Variants in CD7 observed in about 807,000 individuals in gnomAD.
CD7 encodes T-cell antigen CD7.
Under a neutral mutation model 17.6 loss-of-function variants are expected in CD7, and 19 were observed. The observed-to-expected ratio is 1.08, with a 90% CI of 0.75 to 1.58. CD7 has a LOEUF of 1.58. Ranked by LOEUF, CD7 falls within the 40% of genes most tolerant of loss-of-function variation. The pLI is 0.00. For synonymous variants in CD7, 160 were observed against 159.8 expected (o/e 1.00, Z -0.01); for missense variants, 291 against 327.1 (o/e 0.89, Z 0.85).
At chr17:82,316,614 C>T (rs567995292) in intron 2 of CD7, 53 bp downstream of exon 2, 104 of 1,563,340 alleles carry the variant, frequency 6.7e-5, no homozygotes, top group Non-Finnish European at 8.8e-5. Context: ...GGGAGCAGAG[C>T]CTGGCCAGCA....
intron 1 of CD7, 59 bp from the exon 2 acceptor site, chr17:82,317,040 C>T (rs1176284801): frequency 3.5e-6 from 5 of 1,439,428 alleles, no homozygotes; most frequent in South Asian, 1.3e-5. Context: ...AATGTCCTCC[C>T]TGCAGGGGAC....
In CD7 at chr17:82,316,036, C is replaced by T; in HGVS notation, c.612+159G>A. 6 of 813,536 alleles carry T rather than the reference C, an allele frequency of 7.4e-6. No individual in the cohort carries two copies. The South Asian group carries it at 8.9e-5, about 12-fold the overall frequency. The allele number at this position is 813,536 out of a possible 1,614,324, so 50.4% of individuals were successfully genotyped here. A position where few individuals can be genotyped will look rare whatever the true frequency, so the allele number is the denominator to read the frequency against. ...AGGTCGCTTTGGTGCTGGTCCCCCTCCCTCCCCGCCGAGGCCACTTCCACC... is the reference window on the plus strand; with the variant it reads ...AGGTCGCTTTGGTGCTGGTCCCCCTTCCTCCCCGCCGAGGCCACTTCCACC... On this transcript the variant is annotated intron_variant, in intron 3 of 3. Transcript: ENST00000312648.
chr17:82,315,068 A>T lies in CD7; in HGVS notation c.*253T>A. 2.2e-6 allele frequency: 1 copy of T among 456,064 alleles called. No individual in the cohort carries two copies. Among genetic ancestry groups the T allele is most frequent in the Non-Finnish European group, 4.1e-6 (1 of 243,676 alleles). The allele number at this position is 456,064 out of a possible 1,614,324, so 28.3% of individuals were successfully genotyped here. A position where few individuals can be genotyped will look rare whatever the true frequency, so the allele number is the denominator to read the frequency against. On this transcript the variant is annotated 3_prime_UTR_variant, in exon 4 of 4. Transcript: ENST00000312648. ...CGGGAGATGCAGCCAAAGGACAGTC[A>T]GGCTTCCTCCCGGTGGCGGCGTGGG...
At position 82,316,466 on chromosome 17, in the gene CD7, C is replaced by T. The variant is rs191370642; in HGVS notation, c.398-57G>A. 1.2e-5 allele frequency: 17 copies of T among 1,462,106 alleles called. No individual in the cohort carries two copies. In the East Asian group the frequency reaches 2.5e-4, roughly 21 times the overall value. The allele number at this position is 1,462,106 out of a possible 1,614,324, so 90.6% of individuals were successfully genotyped here. On this transcript the variant is annotated intron_variant, in intron 2 of 3. Coordinates refer to ENST00000312648, the MANE Select transcript of CD7 (RefSeq NM_006137.7). The stretch of plus-strand genomic sequence containing the variant: ...CCGGTGGAGAACCTGTTAGAGCCCC[C>T]GGGGTTTGGGATTCGGGGCAGGGAA...
chr17:82,316,800 G>A lies in CD7; in HGVS notation c.264C>T (p.Ile88=), dbSNP rs200852377. The A allele has an allele frequency of 4.3e-6, 7 of 1,613,944 alleles. No individual in the cohort carries two copies. The South Asian group carries it at 4.4e-5, about 10-fold the overall frequency. The part of the protein sequence containing the change: ...PTTDRRFRGR[I]DFSGSQDNLT... ...GGTTGTCCTGGGACCCTGAGAAGTC[G>A]ATGCGGCCCCGGAACCGTCTGTCCG... is the stretch of plus-strand genomic sequence containing the variant. The change falls in exon 2 of 4, where the codon ATC becomes ATT. Residue 88 remains isoleucine, a synonymous_variant. Coordinates refer to ENST00000312648, the MANE Select transcript of CD7 (RefSeq NM_006137.7).
In CD7 at chr17:82,317,484, A is replaced by T; in HGVS notation, c.12T>A (p.Pro4=). Residue 4 remains proline, a synonymous_variant, in exon 1 of 4, where the codon CCT becomes CCA. Transcript: ENST00000312648. ...GCAGGGGCAGCAGCAGGAGCCTCGG[A>T]GGCCCGGCCATGTTCCCCACACCCA... MAG[P]PRLLLLPLLL... is the part of the protein sequence containing the mutation. 6.4e-7 allele frequency: 1 copy of T among 1,568,166 alleles called. No homozygotes were observed. The highest frequency in any genetic ancestry group is 8.6e-7 in the Non-Finnish European group (1 of 1,157,282).
chr17:82,317,248 G>A, intron 1 of CD7, 166 bp downstream of exon 1: 1 of 739,006 alleles, frequency 1.4e-6, no homozygotes, highest in East Asian at 2.7e-5. Flanking sequence ...TCCCCACCGG[G>A]GTCCACCCTT....
intron 3 of CD7, chr17:82,315,796 A>C: frequency 1.8e-6 from 1 of 567,838 alleles, no homozygotes; most frequent in Non-Finnish European, 3.1e-6. Context: ...ACGCCGGCAC[A>C]CTCCAACATG....
chr17:82,315,563 G>C, intron 3 of CD7, 132 bp from the exon 4 acceptor site: 1 of 685,140 alleles, frequency 1.5e-6, no homozygotes. Context: ...CAGGTCTCCT[G>C]AGCCCCAGGG....
chr17:82,316,530 T>C (rs773758563), intron 2 of CD7, 121 bp from the exon 3 acceptor site: 12 of 1,269,860 alleles, frequency 9.4e-6, no homozygotes, highest in African/African-American at 3.0e-5. Flanking sequence ...TCTAGGAGGC[T>C]GCTGGGGGCA....
intron 1 of CD7, 22 bp from the exon 2 acceptor site, chr17:82,317,003 A>T (rs781043449): frequency 6.4e-7 from 1 of 1,556,730 alleles, no homozygotes; most frequent in Non-Finnish European, 8.7e-7. Flanking sequence ...CTGGGCTGTC[A>T]CCATCAGTCT....
intron 3 of CD7, chr17:82,315,761 C>G: frequency 1.8e-6 from 1 of 555,662 alleles, no homozygotes; most frequent in East Asian, 3.1e-5. Context: ...TCTGAGGCCC[C>G]CTCCCCTTCC....
chr17:82,316,839 C>A lies in CD7; in HGVS notation c.225G>T (p.Gly75=). The change falls in exon 2 of 4, where the codon GGG becomes GGT. Residue 75 remains glycine (G), a synonymous_variant. Transcript: ENST00000312648. ...ACCGTCTGTCCGTAGTGGGCACCAC[C>A]CCGTCCTCGTAGTAAATGATGTCTT... The part of the protein sequence containing the change: ...QPQDIIYYED[G]VVPTTDRRFR... The A allele has an allele frequency of 6.2e-7, 1 of 1,613,956 alleles. No homozygotes were observed. The highest frequency in any genetic ancestry group is 8.5e-7 in the Non-Finnish European group (1 of 1,180,008).
chr17:82,317,031 A>ATTCTC, intron 1 of CD7, 50 bp from the exon 2 acceptor site: 1 of 1,475,606 alleles, frequency 6.8e-7, no homozygotes, highest in Non-Finnish European at 9.1e-7. Context: ...AGGACAGAGA[A>ATTCTC]TGTCCTCCCT....
rs778567996 is a variant in CD7, at chr17:82,316,315, C to A, written c.492G>T (p.Pro164=). Residue 164 remains proline (P), a synonymous_variant, in exon 3 of 4, where the codon CCG becomes CCT. Coordinates refer to ENST00000312648, the MANE Select transcript of CD7 (RefSeq NM_006137.7). ...GGTCAGGGAGGGCAGAGGCTGTCTG[C>A]GGGTCAGGGAGGGCGGAGCCTGTCG... ...APPTGSALPD[P]QTASALPDPP... The A allele has an allele frequency of 4.5e-6, 7 of 1,572,746 alleles. No individual in the cohort carries two copies. In the South Asian group the frequency reaches 5.8e-5, roughly 13 times the overall value.
Position 82,315,393 on chromosome 17 carries a change from C to T in CD7, c.651G>A (p.Ala217=), listed in dbSNP as rs756515861. 1.1e-5 allele frequency: 18 copies of T among 1,613,420 alleles called. No homozygotes were observed. The East Asian group carries it at 1.3e-4, about 12-fold the overall frequency. ...KLCSWRDKNS[A]ACVVYEDMSH... The stretch of plus-strand genomic sequence containing the variant: ...ACATGTCCTCGTACACCACACATGC[C>T]GCCGAATTCTTATCCCGCCACGAGC... Residue 217 remains alanine, a synonymous_variant, in exon 4 of 4, where the codon GCG becomes GCA. Transcript: ENST00000312648.
Position 82,315,416 on chromosome 17 carries a change from A to G in CD7, c.628T>C (p.Ser210Pro). 1 of 1,613,836 alleles carries G rather than the reference A, an allele frequency of 6.2e-7. No individual in the cohort carries two copies. Among genetic ancestry groups the G allele is most frequent in the Non-Finnish European group, 8.5e-7 (1 of 1,179,820 alleles). ...GCCGCCGAATTCTTATCCCGCCACG[A>G]GCACAGTTTCTTTATCTGAAAGACA... ...LARTQIKKLC[S>P]WRDKNSAACV... Residue 210 changes from serine (S) to proline (P), a missense_variant, in exon 4 of 4, where the codon TCG becomes CCG. Ser to Pro is a moderately conservative substitution (Grantham distance 74). Coordinates refer to ENST00000312648, the MANE Select transcript of CD7 (RefSeq NM_006137.7).
At chr17:82,316,525 G>GGC (rs1214112396) in intron 2 of CD7, 116 bp from the exon 3 acceptor site, 1 of 1,266,656 alleles carries the variant, frequency 7.9e-7, no homozygotes, top group Non-Finnish European at 1.1e-6. Flanking sequence ...AGCTATCTAG[G>GGC]AGGCTGCTGG....
chr17:82,316,591 C>A, intron 2 of CD7, 76 bp downstream of exon 2: 1 of 1,496,606 alleles, frequency 6.7e-7, no homozygotes, highest in South Asian at 1.1e-5. Flanking sequence ...GAGGGTCCCA[C>A]GACAAGGGCT....
Sources: gnomAD v4.1 joint callset for allele counts on GRCh38, gnomAD v4.1.1 for gene constraint, MANE v1.5 for transcripts, NCBI Gene and HGNC (gene_info 2026-07-23, HGNC 2026-07-21) for gene names.